KCNJ16: variants seen among roughly 807,000 people sequenced by gnomAD.
KCNJ16 encodes the protein potassium inwardly rectifying channel subfamily J member 16.
Under a neutral mutation model 18.5 loss-of-function variants are expected in KCNJ16, and 15 were observed. The observed-to-expected ratio is 0.81, with a 90% CI of 0.54 to 1.25. KCNJ16 has a LOEUF of 1.25. Ranked by LOEUF, KCNJ16 falls within the 50% of genes most tolerant of loss-of-function variation. The pLI is 0.00. For synonymous variants in KCNJ16, 174 were observed against 186.5 expected, an observed-to-expected ratio of 0.93 and a Z score of 0.55; for missense variants, 523 against 525.7, an observed-to-expected ratio of 0.99 and a Z score of 0.05.
At chr17:70,114,666 C>G (rs2073329955) in intron 2 of KCNJ16, among the ~76,000 whole-genome samples, 1 of 152,162 alleles carries the variant, frequency 6.6e-6, no homozygotes, top group Middle Eastern at 3.4e-3. Flanking sequence ...TTCCTCTGGG[C>G]AGTTCTATCA....
At chr17:70,128,025 G>A (rs2073914608) in intron 2 of KCNJ16, 1 of 152,096 alleles carries the variant, frequency 6.6e-6, no homozygotes, top group Admixed American at 6.5e-5. Context: ...TTGTACCCTC[G>A]GCATGAGCTT....
At chr17:70,124,181 G>A (rs2073763940) in intron 2 of KCNJ16, among the ~76,000 whole-genome samples, 1 of 152,196 alleles carries the variant, frequency 6.6e-6, no homozygotes, top group South Asian at 2.1e-4. Context: ...GAACTTGAAT[G>A]TCAGGCCCTA....
chr17:70,085,810 G>C (rs562619682), intron 1 of KCNJ16, among the ~76,000 whole-genome samples: 2 of 151,498 alleles, frequency 1.3e-5, no homozygotes, highest in African/African-American at 2.4e-5. Context: ...TTATTCAATG[G>C]GCAGAACACT....
At chr17:70,118,432 T>C (rs894254701) in intron 2 of KCNJ16, among the ~76,000 whole-genome samples, 4 of 151,584 alleles carry the variant, frequency 2.6e-5, no homozygotes, top group Non-Finnish European at 4.4e-5. Flanking sequence ...AATAAATAAA[T>C]AAACAAATAA....
At chr17:70,114,659 C>T (rs552048099) in intron 2 of KCNJ16, among the ~76,000 whole-genome samples, 15 of 152,170 alleles carry the variant, frequency 9.9e-5, no homozygotes, top group Admixed American at 3.3e-4. Flanking sequence ...CTTGTAGTTC[C>T]TCTGGGCAGT....
chr17:70,132,283 G>A lies in KCNJ16; in HGVS notation c.196G>A (p.Val66Met), dbSNP rs1452937703. Residue 66 changes from valine to methionine, a missense_variant, in exon 4 of 4, where the codon GTG (valine) becomes ATG (methionine). Coordinates refer to ENST00000392671, the MANE Select transcript of KCNJ16 (RefSeq NM_170741.4). ...SYVVDIFTTL[V>M]DTKWRHMFVI... Reference sequence around the variant, plus strand: ...TGTGGTTGACATCTTCACCACTCTTGTGGACACCAAGTGGCGCCATATGTT... The same window carrying A: ...TGTGGTTGACATCTTCACCACTCTTATGGACACCAAGTGGCGCCATATGTT... 1 of 1,614,210 alleles carries A rather than the reference G, an allele frequency of 6.2e-7. No individual in the cohort carries two copies. Among genetic ancestry groups the A allele is most frequent in the East Asian group, 2.2e-5 (1 of 44,886 alleles).
rs1167891902 is a variant in KCNJ16, at chr17:70,132,420, T to C, written c.333T>C (p.Cys111=). The change falls in exon 4 of 4, where the codon TGT becomes TGC. Residue 111 remains cysteine, a synonymous_variant. Transcript: ENST00000392671. ...TAAATGATCCAGACATCACACCTTG[T>C]GTTGACAACGTCCATTCTTTCACAG... The part of the protein sequence containing the change: ...DLLNDPDITP[C]VDNVHSFTGA... 3.7e-6 allele frequency: 6 copies of C among 1,614,114 alleles called. No individual in the cohort carries two copies. In the East Asian group the frequency reaches 1.3e-4, roughly 36 times the overall value.
rs2074193305 is a variant in KCNJ16 at position 70,135,596 on chromosome 17, A to C, written c.*2252A>C. 1 of 164,700 alleles carries C rather than the reference A, an allele frequency of 6.1e-6. No homozygotes were observed. The highest frequency in any genetic ancestry group is 1.5e-5 in the Non-Finnish European group (1 of 68,110). The allele number at this position is 164,700 out of a possible 1,614,324, so 10.2% of individuals were successfully genotyped here. A position where few individuals can be genotyped will look rare whatever the true frequency, so the allele number is the denominator to read the frequency against. ...AGTTACTTAATAATAAAGATCTTAA[A>C]ATAATGCAAAAACTGTGTGCATATA... On this transcript the variant is annotated 3_prime_UTR_variant, in exon 4 of 4. Transcript: ENST00000392671.
Position 70,132,679 on chromosome 17 carries a change from T to C in KCNJ16, c.592T>C (p.Cys198Arg), listed in dbSNP as rs765388374. The C allele has an allele frequency of 1.9e-6, 3 of 1,614,204 alleles. No individual in the cohort carries two copies. Among genetic ancestry groups the C allele is most frequent in the Middle Eastern group, 1.6e-4 (1 of 6,062 alleles). Residue 198 changes from cysteine (C) to arginine (R), a missense_variant, in exon 4 of 4, where the codon TGC (cysteine) becomes CGC (arginine). Transcript: ENST00000392671. Reference protein sequence around the residue: ...ALIGMRDGKLCLMWRIGDFRP... With the variant: ...ALIGMRDGKLRLMWRIGDFRP... ...TATAGGTATGAGAGATGGGAAGCTT[T>C]GCCTCATGTGGCGCATTGGTGATTT... is the stretch of plus-strand genomic sequence containing the variant.
chr17:70,105,243 G>A (rs1179376184), intron 2 of KCNJ16, among the ~76,000 whole-genome samples: 2 of 152,118 alleles, frequency 1.3e-5, no homozygotes, highest in African/African-American at 4.8e-5. Flanking sequence ...CTGGGAATAG[G>A]TTTTCTTTCT....
intron 2 of KCNJ16, among the ~76,000 whole-genome samples, chr17:70,117,481 T>C (rs955229033): frequency 1.3e-5 from 2 of 152,136 alleles, no homozygotes; most frequent in Non-Finnish European, 2.9e-5. Context: ...TAAAATTTCA[T>C]ACTGAACTCC....
intron 2 of KCNJ16, among the ~76,000 whole-genome samples, chr17:70,111,431 T>C (rs542514167): frequency 1.3e-5 from 2 of 152,212 alleles, no homozygotes; most frequent in South Asian, 2.1e-4. Context: ...GCATCATAGA[T>C]TGTCTGCGGG....
At chr17:70,098,062 C>T (rs1040038616) in intron 1 of KCNJ16, among the ~76,000 whole-genome samples, 1 of 152,104 alleles carries the variant, frequency 6.6e-6, no homozygotes, top group Admixed American at 6.6e-5. Flanking sequence ...CATGAATTAC[C>T]AGATGCTGCT....
At chr17:70,083,173 G>A (rs1050334674) in intron 1 of KCNJ16, among the ~76,000 whole-genome samples, 1 of 149,782 alleles carries the variant, frequency 6.7e-6, no homozygotes, top group African/African-American at 2.4e-5. Flanking sequence ...TCTTGCTTCA[G>A]CTTCTCAAGT....
chr17:70,088,511 T>C (rs2071941553), intron 1 of KCNJ16, among the ~76,000 whole-genome samples: 1 of 152,276 alleles, frequency 6.6e-6, no homozygotes, highest in South Asian at 2.1e-4. Context: ...CTTAGGGATA[T>C]TGGGGCAATG....
chr17:70,083,734 GTATA>G (rs775208840), intron 1 of KCNJ16, among the ~76,000 whole-genome samples: 1 of 152,068 alleles, frequency 6.6e-6, no homozygotes, highest in Non-Finnish European at 1.5e-5. Context: ...ACACATGACT[GTATA>G]TATATCATAA....
At chr17:70,130,269 A>G (rs1232483793) in intron 2 of KCNJ16, among the ~76,000 whole-genome samples, 1 of 152,172 alleles carries the variant, frequency 6.6e-6, no homozygotes, top group East Asian at 1.9e-4. Flanking sequence ...CATGGTGGCT[A>G]TTGTGGACAA....
chr17:70,102,520 C>A (rs2072692381), intron 2 of KCNJ16, among the ~76,000 whole-genome samples: 1 of 152,090 alleles, frequency 6.6e-6, no homozygotes, highest in Non-Finnish European at 1.5e-5. Context: ...GCCACCGCTA[C>A]CTGCACAAGT....
In KCNJ16 at chr17:70,132,768, T is replaced by C. The variant is rs528321057; in HGVS notation, c.681T>C (p.Ser227=). ...RAQLLRYTED[S]EGRMTMAFKD... is the part of the protein sequence containing the mutation. Reference sequence around the variant, plus strand: ...AACTTCTCCGCTATACAGAAGACAGTGAAGGGAGGATGACGATGGCATTTA... The same window carrying C: ...AACTTCTCCGCTATACAGAAGACAGCGAAGGGAGGATGACGATGGCATTTA... The change falls in exon 4 of 4, where the codon AGT becomes AGC. Residue 227 remains serine, a synonymous_variant. Coordinates refer to ENST00000392671, the MANE Select transcript of KCNJ16 (RefSeq NM_170741.4). 1.2e-6 allele frequency: 2 copies of C among 1,613,916 alleles called. No individual in the cohort carries two copies. The highest frequency in any genetic ancestry group is 2.2e-5 in the East Asian group (1 of 44,866).
Sources: gnomAD v4.1 joint callset for allele counts (sites outside exome capture counted in the v4.1 genomes callset) on GRCh38, gnomAD v4.1.1 for gene constraint, MANE v1.5 for transcripts, NCBI Gene and HGNC (gene_info 2026-07-23, HGNC 2026-07-21) for gene names.